Variants in SNTG1 observed in about 807,000 individuals in gnomAD.
SNTG1 encodes the protein gamma-1-syntrophin.
A neutral mutation model predicts 74.7 loss-of-function variants in SNTG1; 39 were observed. The ratio of observed to expected loss-of-function variants is 0.52; its 90% confidence interval spans 0.40 to 0.68. The LOEUF (loss-of-function observed/expected upper bound fraction) is 0.68, where lower values mean the gene tolerates loss of function less well. SNTG1 is among the 30% of genes least tolerant of loss of function. The pLI is 0.00. For synonymous variants in SNTG1, 254 were observed against 217.1 expected, an observed-to-expected ratio of 1.17 and a Z score of -1.49; for missense variants, 685 against 609.5, an observed-to-expected ratio of 1.12 and a Z score of -1.30.
chr8:49,989,711 G>A (rs1434139993), intron 1 of SNTG1, among the ~76,000 whole-genome samples: 8 of 151,800 alleles, frequency 5.3e-5, no homozygotes, highest in Non-Finnish European at 7.4e-5. Flanking sequence ...AAATACTAAT[G>A]AATCTAAATC....
At chr8:50,689,461 T>C (rs546360829) in intron 15 of SNTG1, among the ~76,000 whole-genome samples, 3,285 of 152,104 alleles carry the variant, frequency 0.022, 101 homozygotes, top group African/African-American at 0.071. Flanking sequence ...GCATGAAGCG[T>C]TGTTGAATTT....
At chr8:50,549,538 T>C (rs889134317) in intron 11 of SNTG1, among the ~76,000 whole-genome samples, 18 of 152,128 alleles carry the variant, frequency 1.2e-4, no homozygotes, top group African/African-American at 4.1e-4. Context: ...TTCTAAAATA[T>C]AAACATGATC....
At chr8:50,168,361 T>C (rs2082695677) in intron 1 of SNTG1, among the ~76,000 whole-genome samples, 1 of 152,186 alleles carries the variant, frequency 6.6e-6, no homozygotes, top group South Asian at 2.1e-4. Flanking sequence ...CCATTCCTTA[T>C]ATTACTGCCA....
chr8:50,361,949 A>G (rs995902193), intron 2 of SNTG1, among the ~76,000 whole-genome samples: 44 of 152,292 alleles, frequency 2.9e-4, no homozygotes, highest in South Asian at 2.1e-4. Context: ...TGGCACACCT[A>G]TATAGAGCAC....
rs564998873 is a variant in SNTG1 at position 50,653,105 on chromosome 8, GTTT to G, written c.850-3801_850-3799del. On this transcript the variant is annotated intron_variant, in intron 13 of 18. Transcript: ENST00000642720. Reference sequence around the variant, plus strand: ...AATATAGGGTTTTTCTTTTGCTTTTGTTTTTATTTTATTTATTTATTTATTTAT... The same window carrying G: ...AATATAGGGTTTTTCTTTTGCTTTTGTTATTTTATTTATTTATTTATTTAT... Among the ~76,000 whole-genome samples the G allele has an allele frequency of 2.6e-3, 391 of 150,806 alleles. 3 individuals are homozygous for G. The highest frequency in any genetic ancestry group is 9.3e-3 in the African/African-American group (377 of 40,552).
At chr8:49,966,833 G>T (rs1811183192) in intron 1 of SNTG1, among the ~76,000 whole-genome samples, 1 of 152,046 alleles carries the variant, frequency 6.6e-6, no homozygotes. Context: ...TTACTATATA[G>T]GCATATTTTT....
chr8:50,113,477 T>A (rs909414515), intron 1 of SNTG1, among the ~76,000 whole-genome samples: 1 of 152,164 alleles, frequency 6.6e-6, no homozygotes, highest in African/African-American at 2.4e-5. Flanking sequence ...CTTAAGGAGA[T>A]TTTGGGCTGA....
intron 2 of SNTG1, among the ~76,000 whole-genome samples, chr8:50,369,577 C>T (rs1352444019): frequency 2.7e-5 from 4 of 147,128 alleles, no homozygotes; most frequent in African/African-American, 7.6e-5. Flanking sequence ...GCCTGGGCAA[C>T]AAGAGCAAAA....
At chr8:50,160,009 T>G (rs957526989) in intron 1 of SNTG1, among the ~76,000 whole-genome samples, 1 of 152,172 alleles carries the variant, frequency 6.6e-6, no homozygotes, top group Non-Finnish European at 1.5e-5. Flanking sequence ...TGGGAGAAAT[T>G]TTAATTCAGA....
At chr8:50,282,552 A>G (rs891244659) in intron 2 of SNTG1, among the ~76,000 whole-genome samples, 1 of 152,104 alleles carries the variant, frequency 6.6e-6, no homozygotes, top group Non-Finnish European at 1.5e-5. Context: ...TCTGTTAGCT[A>G]TATAAAGTCA....
At chr8:50,014,271 G>A (rs1051035715) in intron 1 of SNTG1, among the ~76,000 whole-genome samples, 1 of 152,090 alleles carries the variant, frequency 6.6e-6, no homozygotes, top group African/African-American at 2.4e-5. Context: ...AAATCTCTGA[G>A]TGTGTTAGCT....
intron 13 of SNTG1, among the ~76,000 whole-genome samples, chr8:50,652,748 G>T (rs952777131): frequency 3.3e-5 from 5 of 151,994 alleles, no homozygotes; most frequent in Admixed American, 3.3e-4. Flanking sequence ...AGTGAGCTGA[G>T]ATCACACCAC....
intron 4 of SNTG1, among the ~76,000 whole-genome samples, chr8:50,415,322 A>G (rs1433672347): frequency 6.6e-6 from 1 of 152,280 alleles, no homozygotes; most frequent in Non-Finnish European, 1.5e-5. Flanking sequence ...TATTTAAATG[A>G]GATTGAATAT....
intron 13 of SNTG1, among the ~76,000 whole-genome samples, chr8:50,605,668 G>T (rs1217587103): frequency 2.0e-5 from 3 of 152,058 alleles, no homozygotes; most frequent in Admixed American, 6.6e-5. Context: ...ATCCTCTTCA[G>T]TACTTTCTCA....
chr8:50,002,896 G>A (rs1463460758), intron 1 of SNTG1, among the ~76,000 whole-genome samples: 1 of 152,180 alleles, frequency 6.6e-6, no homozygotes, highest in African/African-American at 2.4e-5. Flanking sequence ...TTTCCATACA[G>A]TGGAATATTA....
chr8:50,037,330 AT>A (rs1308108346), intron 1 of SNTG1, among the ~76,000 whole-genome samples: 4 of 152,184 alleles, frequency 2.6e-5, no homozygotes, highest in African/African-American at 9.7e-5. Context: ...TAAAATGGTG[AT>A]TCAGGTCCAG....
chr8:50,548,820 A>G lies in SNTG1; in HGVS notation c.681-4230A>G, dbSNP rs183245635. Among the ~76,000 whole-genome samples the G allele has an allele frequency of 1.0e-3, 156 of 152,332 alleles. 3 individuals carry two copies. Among genetic ancestry groups the G allele is most frequent in the Non-Finnish European group, 6.3e-4 (43 of 68,026 alleles). ...CTTAACATTTGAAATGGATTTTGAC[A>G]GGTAGAAATAATACAACTGGTATTT... On this transcript the variant is annotated intron_variant, in intron 11 of 18. Coordinates refer to ENST00000642720, the MANE Select transcript of SNTG1 (RefSeq NM_018967.5).
At chr8:49,979,807 G>C (rs1175088992) in intron 1 of SNTG1, among the ~76,000 whole-genome samples, 6 of 152,182 alleles carry the variant, frequency 3.9e-5, no homozygotes, top group African/African-American at 1.4e-4. Flanking sequence ...TCGCTTGTGT[G>C]TCCGCTGTTT....
At position 50,256,026 on chromosome 8, in the gene SNTG1, G is replaced by A. The variant is rs114224102; in HGVS notation, c.-28+83391G>A. ...CATTAGCCCTTATCCTCAAATACTT[G>A]TCTATTCACCAAAAACAAAGCATGT... is the stretch of plus-strand genomic sequence containing the variant. On this transcript the variant is annotated intron_variant, in intron 2 of 18. Coordinates refer to ENST00000642720, the MANE Select transcript of SNTG1 (RefSeq NM_018967.5). Among the ~76,000 whole-genome samples the A allele has an allele frequency of 6.8e-3, 1,029 of 152,206 alleles. 12 individuals are homozygous for A. Among genetic ancestry groups the A allele is most frequent in the African/African-American group, 0.023 (972 of 41,500 alleles).
Sources: allele counts gnomAD v4.1 joint callset (sites outside exome capture counted in the v4.1 genomes callset), GRCh38; gene constraint gnomAD v4.1.1; transcripts MANE v1.5; gene names NCBI Gene and HGNC (gene_info 2026-07-23, HGNC 2026-07-21).